Variants in CPEB3 observed in about 807,000 individuals in gnomAD.
The protein encoded by CPEB3 is cytoplasmic polyadenylation element binding protein 3.
In CPEB3, 20 loss-of-function variants were observed where a neutral mutation model predicts 67.2. The observed-to-expected ratio is 0.30, with a 90% CI of 0.21 to 0.43. The LOEUF (loss-of-function observed/expected upper bound fraction) is 0.43. Ranked by LOEUF, CPEB3 falls within the 20% of genes least tolerant of loss-of-function variation. The probability of loss-of-function intolerance (pLI) is 1.00; values close to 1 mark genes in which losing one functional copy is unlikely to be tolerated. For missense variants in CPEB3, 746 were observed against 968.6 expected (o/e 0.77, Z 3.05); for synonymous variants, 376 against 393.1 (o/e 0.96, Z 0.51).
At chr10:92,089,249 A>G (rs973954919) in intron 8 of CPEB3, among the ~76,000 whole-genome samples, 4 of 152,182 alleles carry the variant, frequency 2.6e-5, no homozygotes, top group African/African-American at 9.7e-5. Flanking sequence ...GATTATACAT[A>G]AAAGTTGCAG....
intron 2 of CPEB3, among the ~76,000 whole-genome samples, chr10:92,212,745 C>T (rs1433978155): frequency 6.6e-6 from 1 of 151,914 alleles, no homozygotes; most frequent in Non-Finnish European, 1.5e-5. Context: ...AATAACATTT[C>T]ACATATAGAG....
chr10:92,278,941 T>C (rs1446868842), intron 1 of CPEB3, among the ~76,000 whole-genome samples: 1 of 152,072 alleles, frequency 6.6e-6, no homozygotes, highest in African/African-American at 2.4e-5. Context: ...TTTTTTTTTT[T>C]ATTCTTGGAA....
intron 9 of CPEB3, among the ~76,000 whole-genome samples, chr10:92,069,153 G>C (rs1842660732): frequency 6.6e-6 from 1 of 151,982 alleles, no homozygotes; most frequent in African/African-American, 2.4e-5. Context: ...AGTATTATCA[G>C]CATTTCTGTT....
chr10:92,105,688 C>CG (rs1407268701), intron 7 of CPEB3, among the ~76,000 whole-genome samples: 3 of 145,614 alleles, frequency 2.1e-5, no homozygotes, highest in Non-Finnish European at 4.5e-5. Flanking sequence ...TCTATAGATA[C>CG]TGTGTATTTA....
intron 9 of CPEB3, among the ~76,000 whole-genome samples, chr10:92,073,350 A>G (rs991229161): frequency 3.3e-5 from 5 of 151,646 alleles, no homozygotes; most frequent in Admixed American, 3.3e-4. Context: ...TATCTGTGTC[A>G]TTTACAACAA....
At chr10:92,172,073 A>T (rs1848028118) in intron 4 of CPEB3, among the ~76,000 whole-genome samples, 1 of 152,154 alleles carries the variant, frequency 6.6e-6, no homozygotes, top group Non-Finnish European at 1.5e-5. Flanking sequence ...AGGCAGGAGG[A>T]TCCTATGAGC....
At chr10:92,107,536 C>T (rs1844532201) in intron 7 of CPEB3, among the ~76,000 whole-genome samples, 1 of 152,182 alleles carries the variant, frequency 6.6e-6, no homozygotes, top group Non-Finnish European at 1.5e-5. Flanking sequence ...GCTCTATTAG[C>T]TTGCTGTCTT....
In CPEB3 at chr10:92,135,101, TG is replaced by T. The variant is rs1846029299; in HGVS notation, c.1453+7927del. Among the ~76,000 whole-genome samples, 4 of 152,170 alleles carry T rather than the reference TG, an allele frequency of 2.6e-5. No individual in the cohort carries two copies. In the South Asian group the frequency reaches 8.3e-4, roughly 32 times the overall value. On this transcript the variant is annotated intron_variant, in intron 6 of 9. Transcript: ENST00000265997. The stretch of plus-strand genomic sequence containing the variant: ...GGAAATACCATTCAGGACATAGGCA[TG>T]GGCAAGGACGTCATGACTAAAACAC...
intron 4 of CPEB3, among the ~76,000 whole-genome samples, chr10:92,151,070 C>G (rs753222421): frequency 2.0e-5 from 3 of 152,166 alleles, no homozygotes; most frequent in Non-Finnish European, 1.5e-5. Flanking sequence ...ACCAAACAAG[C>G]TTGCAGGAAA....
chr10:92,139,667 T>G (rs943892574), intron 6 of CPEB3, among the ~76,000 whole-genome samples: 11 of 152,268 alleles, frequency 7.2e-5, no homozygotes, highest in Admixed American at 2.6e-4. Context: ...TACTGTATAT[T>G]TTTAAATAAC....
intron 1 of CPEB3, among the ~76,000 whole-genome samples, chr10:92,250,180 T>C (rs1055083668): frequency 1.3e-5 from 2 of 151,724 alleles, no homozygotes; most frequent in African/African-American, 4.8e-5. Context: ...CTCGGCCTCC[T>C]GGGTTCACGC....
At chr10:92,226,917 C>T (rs1851005896) in intron 2 of CPEB3, among the ~76,000 whole-genome samples, 1 of 152,042 alleles carries the variant, frequency 6.6e-6, no homozygotes, top group Non-Finnish European at 1.5e-5. Context: ...CAGATGTCCG[C>T]CCCCTCCCCC....
intron 8 of CPEB3, among the ~76,000 whole-genome samples, chr10:92,089,364 T>C (rs926774241): frequency 1.2e-4 from 18 of 152,098 alleles, no homozygotes; most frequent in African/African-American, 4.3e-4. Flanking sequence ...ACCTAGAAAC[T>C]AGCTATGCTT....
intron 5 of CPEB3, among the ~76,000 whole-genome samples, chr10:92,143,928 A>G (rs1846557929): frequency 6.6e-6 from 1 of 152,212 alleles, no homozygotes; most frequent in South Asian, 2.1e-4. Context: ...GTCACCATGA[A>G]AAAAGGAAAT....
chr10:92,290,243 C>T (rs985918665), intron 1 of CPEB3, among the ~76,000 whole-genome samples: 1 of 152,114 alleles, frequency 6.6e-6, no homozygotes, highest in African/African-American at 2.4e-5. Flanking sequence ...CCAAAAAACG[C>T]ATTCGTTTGA....
chr10:92,178,177 T>TAG (rs1848307595), intron 4 of CPEB3, among the ~76,000 whole-genome samples: 1 of 150,926 alleles, frequency 6.6e-6, no homozygotes, highest in Admixed American at 6.6e-5. Flanking sequence ...TTTTTTTTTT[T>TAG]AGATGGAGTC....
chr10:92,072,671 T>C (rs1305418760), intron 9 of CPEB3, among the ~76,000 whole-genome samples: 2 of 152,220 alleles, frequency 1.3e-5, no homozygotes, highest in African/African-American at 4.8e-5. Flanking sequence ...TACTTTTGTT[T>C]GTTTGTTTGT....
At chr10:92,201,752 G>T (rs1849536370) in intron 2 of CPEB3, among the ~76,000 whole-genome samples, 1 of 152,100 alleles carries the variant, frequency 6.6e-6, no homozygotes, top group African/African-American at 2.4e-5. Context: ...ACCTATCTTA[G>T]AACTTTATGC....
intron 2 of CPEB3, among the ~76,000 whole-genome samples, chr10:92,200,710 TA>T (rs1159537293): frequency 6.0e-5 from 9 of 148,784 alleles, no homozygotes; most frequent in Non-Finnish European, 7.5e-5. Flanking sequence ...CTGGAGAAGT[TA>T]AAAAAAAAAC....
Sources: allele counts gnomAD v4.1 joint callset (sites outside exome capture counted in the v4.1 genomes callset), GRCh38; gene constraint gnomAD v4.1.1; transcripts MANE v1.5; gene names NCBI Gene and HGNC (gene_info 2026-07-23, HGNC 2026-07-21).